The following IFI27L1 variants were observed in gnomAD, a reference collection of about 807,000 sequenced individuals.
IFI27L1 encodes the protein interferon alpha-inducible protein 27-like protein 1.
A neutral mutation model predicts 9.2 loss-of-function variants in IFI27L1; 3 were observed. The ratio of observed to expected loss-of-function variants is 0.32; its 90% CI spans 0.15 to 0.84. The LOEUF (loss-of-function observed/expected upper bound fraction) is 0.84. IFI27L1 is among the 40% of genes least tolerant of loss of function. The pLI, the probability that IFI27L1 is intolerant of heterozygous loss-of-function variation, is 0.56. For synonymous variants in IFI27L1, 53 were observed against 50.0 expected (o/e 1.06, Z -0.26); for missense variants, 133 against 134.2 (o/e 0.99, Z 0.05).
chr14:94,094,822 G>T (rs1464335348), intron 1 of IFI27L1: 4 of 152,002 alleles, frequency 2.6e-5, no homozygotes, highest in African/African-American at 9.7e-5. Context: ...TATACTCCTG[G>T]TGAACCATGA....
At chr14:94,089,591 T>C (rs1189891709) in intron 1 of IFI27L1, among the ~76,000 whole-genome samples, 2 of 152,196 alleles carry the variant, frequency 1.3e-5, no homozygotes, top group African/African-American at 2.4e-5. Flanking sequence ...CTTTGTGAAC[T>C]GTATCGTGTG....
intron 1 of IFI27L1, among the ~76,000 whole-genome samples, chr14:94,087,150 T>G (rs74631896): frequency 6.6e-6 from 1 of 152,198 alleles, no homozygotes; most frequent in East Asian, 1.9e-4. Flanking sequence ...ACTCTTAGAA[T>G]AACTTACTTT....
intron 1 of IFI27L1, chr14:94,088,416 A>T: frequency 1.4e-6 from 1 of 693,210 alleles, no homozygotes; most frequent in South Asian, 1.5e-5. Context: ...TTGGTGGCCC[A>T]CTTTTAGGGT....
rs999173124 is a variant in IFI27L1 at position 94,097,775 on chromosome 14, G to A, written c.28+810G>A. On this transcript the variant is annotated intron_variant, in intron 2 of 4. Coordinates refer to ENST00000555523, the MANE Select transcript of IFI27L1 (RefSeq NM_206949.3). ...ACTTACCCTGAGCTACTGAGAGAAC[G>A]GGGCTGCCCTTTACAGAGGCTGGGC... 29 of 686,806 alleles carry A rather than the reference G, an allele frequency of 4.2e-5. No homozygotes were observed. The Admixed American group carries it at 5.6e-4, about 13-fold the overall frequency. 42.5% of individuals were successfully genotyped at this position (686,806 alleles called of 1,614,324 possible). A position where few individuals can be genotyped will look rare whatever the true frequency, so the allele number is the denominator to read the frequency against.
chr14:94,100,749 T>C lies in IFI27L1; in HGVS notation c.39T>C (p.Ala13=). Residue 13 remains alanine, a synonymous_variant, in exon 3 of 5, where the codon GCT becomes GCC. Coordinates refer to ENST00000555523, the MANE Select transcript of IFI27L1 (RefSeq NM_206949.3). ...KESGWDSGRA[A]VAAVVGGVVA... The stretch of plus-strand genomic sequence containing the variant: ...TGTTTTTGTCTCCAGGCAGGGCTGC[T>C]GTAGCAGCTGTGGTCGGAGGAGGTG... 6.2e-7 allele frequency: 1 copy of C among 1,613,650 alleles called. No individual in the cohort carries two copies. Among genetic ancestry groups the C allele is most frequent in the Non-Finnish European group, 8.5e-7 (1 of 1,179,928 alleles).
chr14:94,100,296 C>T (rs778325010), intron 2 of IFI27L1: 142 of 985,370 alleles, frequency 1.4e-4, no homozygotes, highest in African/African-American at 1.0e-3. Flanking sequence ...GAGACCAAGG[C>T]GCCTCTTCCT....
Position 94,092,288 on chromosome 14 carries a change from C to T in IFI27L1, c.-51-4599C>T, listed in dbSNP as rs939093025. The stretch of plus-strand genomic sequence containing the variant: ...CAGCACTTTGGGAGGCTGAGGTGGG[C>T]GGATCACGAGGTCAGGAGTTTGAGA... On this transcript the variant is annotated intron_variant, in intron 1 of 4. Transcript: ENST00000555523. Among the ~76,000 whole-genome samples the T allele has an allele frequency of 5.9e-5, 9 of 151,802 alleles. 1 individual carries two copies. The highest frequency in any genetic ancestry group is 1.7e-4 in the African/African-American group (7 of 41,306).
intron 1 of IFI27L1, among the ~76,000 whole-genome samples, chr14:94,092,788 G>A (rs1886526154): frequency 1.3e-5 from 2 of 152,202 alleles, no homozygotes; most frequent in Non-Finnish European, 2.9e-5. Flanking sequence ...GAGGGACCCA[G>A]TGGGAGATAA....
intron 1 of IFI27L1, among the ~76,000 whole-genome samples, chr14:94,095,509 G>A (rs898097190): frequency 1.3e-5 from 2 of 152,140 alleles, no homozygotes; most frequent in African/African-American, 4.8e-5. Context: ...AAAGAAAAGA[G>A]GTTTATTTGG....
In IFI27L1 at chr14:94,097,221, A is replaced by C. The variant is rs140122833; in HGVS notation, c.28+256A>C. 1.4e-4 allele frequency among the ~76,000 whole-genome samples: 22 copies of C among 152,370 alleles called. No individual in the cohort carries two copies. In the East Asian group the frequency reaches 1.7e-3, roughly 12 times the overall value. On this transcript the variant is annotated intron_variant, in intron 2 of 4. Transcript: ENST00000555523. ...AGGTTTTTAAAAGCAAAACAAGGAA[A>C]GTTACTAAGTGGTTTTGAAACAATG...
chr14:94,092,531 CAAA>C (rs1437270208), intron 1 of IFI27L1, among the ~76,000 whole-genome samples: 2 of 151,702 alleles, frequency 1.3e-5, no homozygotes, highest in Non-Finnish European at 2.9e-5. Context: ...CAAAACAAAA[CAAA>C]AAAAACTTTA....
At chr14:94,088,295 A>T in intron 1 of IFI27L1, 1 of 702,320 alleles carries the variant, frequency 1.4e-6, no homozygotes, top group Non-Finnish European at 2.6e-6. Context: ...ACTATGCGAG[A>T]TGCAGAAGGT....
chr14:94,089,804 A>G (rs961635778), intron 1 of IFI27L1, among the ~76,000 whole-genome samples: 1 of 152,124 alleles, frequency 6.6e-6, no homozygotes, highest in African/African-American at 2.4e-5. Context: ...ATCTTCTGTA[A>G]TTTCTTCAGA....
intron 1 of IFI27L1, among the ~76,000 whole-genome samples, chr14:94,085,216 A>G (rs2141445165): frequency 6.6e-6 from 1 of 152,338 alleles, no homozygotes; most frequent in Non-Finnish European, 1.5e-5. Flanking sequence ...ATTTCCCAGC[A>G]AGAAAATGGC....
At chr14:94,100,549 CAGA>C in intron 2 of IFI27L1, 187 bp from the exon 3 acceptor site, 3 of 985,404 alleles carry the variant, frequency 3.0e-6, no homozygotes, top group Non-Finnish European at 3.6e-6. Flanking sequence ...AGGCTTCCTG[CAGA>C]AGGTGCCACG....
chr14:94,099,416 G>A (rs190372535), intron 2 of IFI27L1, among the ~76,000 whole-genome samples: 26 of 152,298 alleles, frequency 1.7e-4, no homozygotes, highest in African/African-American at 5.5e-4. Context: ...AAGATCCAGG[G>A]AGAAGTTGTG....
Position 94,102,459 on chromosome 14 carries a change from C to A in IFI27L1, c.224-18C>A, listed in dbSNP as rs771548595. ...TACCCCTCCCTGTGCCCTGTGCTCA[C>A]CCTCTCTTCTCCCCCAGGGGCAGCT... On this transcript the variant is annotated intron_variant, in intron 4 of 4. Coordinates refer to ENST00000555523, the MANE Select transcript of IFI27L1 (RefSeq NM_206949.3). The A allele has an allele frequency of 6.5e-7, 1 of 1,532,044 alleles. No individual in the cohort carries two copies. The highest frequency in any genetic ancestry group is 8.8e-7 in the Non-Finnish European group (1 of 1,130,412). 94.9% of individuals were successfully genotyped at this position (1,532,044 alleles called of 1,614,324 possible).
chr14:94,087,551 C>T (rs1002717084), intron 1 of IFI27L1, among the ~76,000 whole-genome samples: 9 of 152,162 alleles, frequency 5.9e-5, no homozygotes, highest in African/African-American at 2.2e-4. Flanking sequence ...CTCAGCCTCC[C>T]GAGTAGCTGG....
intron 1 of IFI27L1, among the ~76,000 whole-genome samples, chr14:94,084,881 A>G (rs1886228618): frequency 6.6e-6 from 1 of 152,178 alleles, no homozygotes; most frequent in Non-Finnish European, 1.5e-5. Context: ...TCCTCAAGGG[A>G]AATTGGGTTT....
Sources: allele counts gnomAD v4.1 joint callset (sites outside exome capture counted in the v4.1 genomes callset), GRCh38; gene constraint gnomAD v4.1.1; transcripts MANE v1.5; gene names NCBI Gene and HGNC (gene_info 2026-07-23, HGNC 2026-07-21).